The following PGAP1 variants were observed in gnomAD, a reference collection of about 807,000 sequenced individuals.
PGAP1 encodes the protein GPI inositol-deacylase.
In PGAP1, 76 loss-of-function variants were observed where a neutral mutation model predicts 127.0. That is an observed-to-expected ratio of 0.60 (90% CI 0.50 to 0.72). PGAP1 has a LOEUF of 0.72. Ranked by LOEUF, PGAP1 falls within the 30% of genes least tolerant of loss-of-function variation. PGAP1 has a pLI of 0.00. For synonymous variants in PGAP1, 362 were observed against 366.5 expected, an observed-to-expected ratio of 0.99 and a Z score of 0.14; for missense variants, 982 against 1,071.3, an observed-to-expected ratio of 0.92 and a Z score of 1.16.
At chr2:196,915,538 G>T (rs1702978909) in intron 3 of PGAP1, among the ~76,000 whole-genome samples, 1 of 152,098 alleles carries the variant, frequency 6.6e-6, no homozygotes, top group South Asian at 2.1e-4. Flanking sequence ...AATCTTTCCA[G>T]TTGTTTAGCC....
chr2:196,859,904 T>C (rs550912086), intron 20 of PGAP1, among the ~76,000 whole-genome samples: 10 of 151,850 alleles, frequency 6.6e-5, no homozygotes, highest in Non-Finnish European at 1.0e-4. Context: ...GCTAACATTA[T>C]ACAAAATGGG....
chr2:196,894,559 T>C (rs1441098130), intron 7 of PGAP1, among the ~76,000 whole-genome samples: 1 of 152,116 alleles, frequency 6.6e-6, no homozygotes, highest in African/African-American at 2.4e-5. Context: ...TTCCAGCACT[T>C]TGGGAGGCCA....
intron 20 of PGAP1, 40 bp downstream of exon 20, chr2:196,864,947 T>C (rs1349047016): frequency 8.7e-7 from 1 of 1,151,276 alleles, no homozygotes; most frequent in Non-Finnish European, 1.2e-6. Flanking sequence ...TACTTTAATA[T>C]TCATAACAAA....
In PGAP1 at chr2:196,892,470, G is replaced by A. The variant is rs772513483; in HGVS notation, c.1034-69C>T. 5.0e-4 allele frequency: 339 copies of A among 681,662 alleles called. 1 individual carries two copies. The highest frequency in any genetic ancestry group is 7.3e-4 in the Non-Finnish European group (286 of 391,338). 42.2% of individuals were successfully genotyped at this position (681,662 alleles called of 1,614,324 possible). A position where few individuals can be genotyped will look rare whatever the true frequency, so the allele number is the denominator to read the frequency against. On this transcript the variant is annotated intron_variant, in intron 8 of 26. Coordinates refer to ENST00000354764, the MANE Select transcript of PGAP1 (RefSeq NM_024989.4). The stretch of plus-strand genomic sequence containing the variant: ...ATACTACATAGTTTCTTTCTTCTTT[G>A]AATCCTGGTGAAATACTTCTCAATC...
intron 13 of PGAP1, 71 bp downstream of exon 13, chr2:196,880,005 T>C (rs946499187): frequency 4.5e-6 from 5 of 1,117,646 alleles, no homozygotes; most frequent in Non-Finnish European, 6.7e-6. Context: ...GAAAAACTCA[T>C]TGAAAAAGAA....
chr2:196,905,924 A>G (rs1403598463), intron 4 of PGAP1, among the ~76,000 whole-genome samples: 69 of 60,676 alleles, frequency 1.1e-3, no homozygotes, highest in African/African-American at 4.0e-3. Context: ...ACGAGACTAT[A>G]TCCCACACCT....
intron 2 of PGAP1, among the ~76,000 whole-genome samples, chr2:196,918,519 C>G (rs1703085123): frequency 6.6e-6 from 1 of 152,068 alleles, no homozygotes; most frequent in Non-Finnish European, 1.5e-5. Flanking sequence ...TCACAGCTCA[C>G]ACAACAACTT....
chr2:196,921,547 C>A (rs1463174000), intron 1 of PGAP1, among the ~76,000 whole-genome samples: 1 of 152,014 alleles, frequency 6.6e-6, no homozygotes, highest in Non-Finnish European at 1.5e-5. Context: ...TATTTCCTCC[C>A]AATTTAGTAC....
At chr2:196,868,459 T>C (rs983382650) in intron 19 of PGAP1, among the ~76,000 whole-genome samples, 23 of 152,334 alleles carry the variant, frequency 1.5e-4, no homozygotes, top group Admixed American at 1.3e-3. Context: ...TGTCTCATAG[T>C]CAAACTGTAG....
Position 196,841,044 on chromosome 2 carries a change from A to G in PGAP1, c.*190T>C. The G allele has an allele frequency of 4.8e-6, 3 of 629,094 alleles. No homozygotes were observed. Among genetic ancestry groups the G allele is most frequent in the Non-Finnish European group, 7.9e-6 (3 of 381,248 alleles). 39.0% of individuals were successfully genotyped at this position (629,094 alleles called of 1,614,324 possible). ...AAAATGATTACTACATGGATTCCAC[A>G]CCACAAAACAAAACCATGCTTCAAC... On this transcript the variant is annotated 3_prime_UTR_variant, in exon 27 of 27. Coordinates refer to ENST00000354764, the MANE Select transcript of PGAP1 (RefSeq NM_024989.4).
intron 10 of PGAP1, among the ~76,000 whole-genome samples, chr2:196,890,286 C>T (rs1427399860): frequency 6.6e-6 from 1 of 152,086 alleles, no homozygotes; most frequent in Non-Finnish European, 1.5e-5. Context: ...TAAACAACAT[C>T]ACATTTTTTA....
At chr2:196,872,403 C>A (rs893265975) in intron 18 of PGAP1, 38 bp downstream of exon 18, 1 of 1,405,584 alleles carries the variant, frequency 7.1e-7, no homozygotes, top group South Asian at 1.2e-5. Context: ...GCTTATTCTA[C>A]AACTAAATCT....
intron 10 of PGAP1, among the ~76,000 whole-genome samples, chr2:196,890,225 A>G (rs1411231021): frequency 6.6e-6 from 1 of 152,114 alleles, no homozygotes; most frequent in Admixed American, 6.5e-5. Context: ...GTGAGCCACC[A>G]CACCTAGCTT....
In PGAP1 at chr2:196,838,144, C is replaced by T. The variant is rs997020502; in HGVS notation, c.*3090G>A. ...AGGCTTTAGAAATACTAAATGTTCC[C>T]AGTGTTTTCCTCTGTACAGACTATA... is the stretch of plus-strand genomic sequence containing the variant. On this transcript the variant is annotated 3_prime_UTR_variant, in exon 27 of 27. Coordinates refer to ENST00000354764, the MANE Select transcript of PGAP1 (RefSeq NM_024989.4). 2.0e-5 allele frequency: 3 copies of T among 152,162 alleles called. No homozygotes were observed. Among genetic ancestry groups the T allele is most frequent in the Non-Finnish European group, 2.9e-5 (2 of 68,040 alleles). 9.4% of individuals were successfully genotyped at this position (152,162 alleles called of 1,614,324 possible).
chr2:196,920,837 A>C (rs967245661), intron 1 of PGAP1, among the ~76,000 whole-genome samples: 2 of 152,128 alleles, frequency 1.3e-5, no homozygotes, highest in Non-Finnish European at 2.9e-5. Context: ...ACTACCCTGC[A>C]CTTCATATTA....
intron 10 of PGAP1, among the ~76,000 whole-genome samples, chr2:196,888,133 G>T (rs922909261): frequency 1.3e-5 from 2 of 152,044 alleles, no homozygotes; most frequent in African/African-American, 4.8e-5. Flanking sequence ...GATGTCAAAA[G>T]GTGAACTAAT....
At chr2:196,844,220 A>T in intron 24 of PGAP1, 145 bp from the exon 25 acceptor site, 1 of 552,378 alleles carries the variant, frequency 1.8e-6, no homozygotes, top group Non-Finnish European at 2.9e-6. Context: ...TTTGCTTAAA[A>T]ATACTTTAAA....
chr2:196,839,244 A>C lies in PGAP1; in HGVS notation c.*1990T>G. The C allele has an allele frequency of 6.6e-6, 1 of 152,652 alleles. No individual in the cohort carries two copies. The highest frequency in any genetic ancestry group is 1.9e-4 in the East Asian group (1 of 5,202). 9.5% of individuals were successfully genotyped at this position (152,652 alleles called of 1,614,324 possible). ...TATATGGAACTAAGTCCAAATTCAG[A>C]AATAGTTTAAGGACACATGTAATCT... On this transcript the variant is annotated 3_prime_UTR_variant, in exon 27 of 27. Transcript: ENST00000354764.
At chr2:196,880,031 T>A (rs77319831) in intron 13 of PGAP1, 45 bp downstream of exon 13, 2 of 1,372,200 alleles carry the variant, frequency 1.5e-6, no homozygotes, top group Non-Finnish European at 2.1e-6. Flanking sequence ...AAATTTAGCA[T>A]GTGTCTCCAA....
Sources: gnomAD v4.1 joint callset for allele counts (sites outside exome capture counted in the v4.1 genomes callset) on GRCh38, gnomAD v4.1.1 for gene constraint, MANE v1.5 for transcripts, NCBI Gene and HGNC (gene_info 2026-07-23, HGNC 2026-07-21) for gene names.